Variants in IL1RAPL2 observed in about 807,000 individuals in gnomAD.
IL1RAPL2 encodes interleukin 1 receptor accessory protein like 2.
IL1RAPL2 carries 3 observed loss-of-function variants against 44.1 expected under a neutral mutation model. The ratio of observed to expected loss-of-function variants is 0.07; its 90% CI spans 0.03 to 0.18. The LOEUF is 0.18. Among genes scored for constraint, IL1RAPL2 ranks in the 10% least tolerant of loss-of-function variants. The probability of loss-of-function intolerance (pLI) is 1.00; values close to 1 mark genes in which losing one functional copy is unlikely to be tolerated. For synonymous variants in IL1RAPL2, 181 were observed against 178.8 expected (o/e 1.01, Z -0.10); for missense variants, 391 against 496.4 (o/e 0.79, Z 2.02).
At chrX:105,064,482 G>A (rs747484996) in intron 2 of IL1RAPL2, among the ~76,000 whole-genome samples, 1 of 111,766 alleles carries the variant, frequency 8.9e-6, no homozygotes, top group East Asian at 2.8e-4. Context: ...ATGTTCCTTG[G>A]GTTAGGGATG....
chrX:105,472,323 G>T (rs766862403), intron 5 of IL1RAPL2, among the ~76,000 whole-genome samples: 1 of 111,625 alleles, frequency 9.0e-6, no homozygotes, highest in East Asian at 2.8e-4. Flanking sequence ...TTCTATCAGA[G>T]AAAATGGGGC....
intron 2 of IL1RAPL2, among the ~76,000 whole-genome samples, chrX:104,921,635 T>C (rs1393815179): frequency 8.9e-6 from 1 of 112,196 alleles, no homozygotes; most frequent in Non-Finnish European, 1.9e-5. Context: ...CGTAGCCTGA[T>C]CTCTAGCAGG....
rs769280578 is a variant in IL1RAPL2 at position 105,666,174 on chromosome X, CAT to C, written c.773-51191_773-51190del. ...AACTCAAAAACTAATAAAAAACCCA[CAT>C]AGCTTTATAATCTATTGCGGGATCT... On this transcript the variant is annotated intron_variant, in intron 6 of 10. Transcript: ENST00000372582. Among the ~76,000 whole-genome samples, 9 of 109,496 alleles carry C rather than the reference CAT, an allele frequency of 8.2e-5. No homozygotes were observed. The East Asian group carries it at 2.6e-3, about 32-fold the overall frequency.
chrX:104,761,963 CTTCTTCTTCTTCTTCTTCT>C (rs1932463036), intron 2 of IL1RAPL2, among the ~76,000 whole-genome samples: 1 of 97,096 alleles, frequency 1.0e-5, no homozygotes, highest in African/African-American at 4.0e-5. Flanking sequence ...TCTTCTTCTT[CTTCTTCTTCTTCTTCTTCT>C]TCCTCCTCCT....
chrX:105,220,517 T>G, intron 3 of IL1RAPL2: 1 of 677,263 alleles, frequency 1.5e-6, no homozygotes, highest in Non-Finnish European at 2.1e-6. Flanking sequence ...GTCCCCGCCC[T>G]ACCCGCTCTG....
At chrX:104,749,755 G>T (rs913921555) in intron 2 of IL1RAPL2, among the ~76,000 whole-genome samples, 2 of 111,715 alleles carry the variant, frequency 1.8e-5, no homozygotes, top group Non-Finnish European at 3.8e-5. Flanking sequence ...GTACCAAGTA[G>T]TTCCTGCCTT....
intron 6 of IL1RAPL2, among the ~76,000 whole-genome samples, chrX:105,657,311 G>T (rs1438049689): frequency 8.9e-6 from 1 of 111,939 alleles, no homozygotes; most frequent in African/African-American, 3.3e-5. Flanking sequence ...TGTACTTTCA[G>T]CCATTTCCAT....
At chrX:105,330,640 C>T (rs1021222019) in intron 5 of IL1RAPL2, among the ~76,000 whole-genome samples, 1 of 111,644 alleles carries the variant, frequency 9.0e-6, no homozygotes, top group African/African-American at 3.2e-5. Flanking sequence ...TCTACCTATA[C>T]ATCCAAGTGT....
intron 2 of IL1RAPL2, among the ~76,000 whole-genome samples, chrX:104,758,527 T>C (rs1932376775): frequency 9.0e-6 from 1 of 111,320 alleles, no homozygotes; most frequent in Admixed American, 9.6e-5. Flanking sequence ...CCGTCAGTGT[T>C]TGGCTTGAGG....
chrX:105,569,269 T>C (rs1270170012), intron 6 of IL1RAPL2, among the ~76,000 whole-genome samples: 1 of 112,005 alleles, frequency 8.9e-6, no homozygotes, highest in Non-Finnish European at 1.9e-5. Flanking sequence ...TGGAATATTA[T>C]GAGGCCCACT....
rs773280885 is a variant in IL1RAPL2 at position 105,130,583 on chromosome X, A to G, written c.83-64892A>G. Among the ~76,000 whole-genome samples the G allele has an allele frequency of 2.0e-4, 22 of 111,211 alleles. No homozygotes were observed. The South Asian group carries it at 5.6e-3, about 28-fold the overall frequency. ...ATTACACTTGAGATAGAAGTCCTAT[A>G]CTACATGCCTTAGTGATAAAATGCG... On this transcript the variant is annotated intron_variant, in intron 2 of 10. Coordinates refer to ENST00000372582, the MANE Select transcript of IL1RAPL2 (RefSeq NM_017416.2).
intron 2 of IL1RAPL2, among the ~76,000 whole-genome samples, chrX:104,753,026 A>G (rs1476050576): frequency 2.7e-5 from 3 of 109,532 alleles, no homozygotes; most frequent in Non-Finnish European, 5.7e-5. Context: ...AGATGCTTTT[A>G]CTCTATCATT....
intron 6 of IL1RAPL2, among the ~76,000 whole-genome samples, chrX:105,659,656 CAAAAAAAATAAATAAAATA>C (rs2037705170): frequency 3.0e-5 from 3 of 98,754 alleles, no homozygotes; most frequent in African/African-American, 1.1e-4. Context: ...GACTCTGTCT[CAAAAAAAATAAATAAAATA>C]AAAAAAAATA....
intron 2 of IL1RAPL2, among the ~76,000 whole-genome samples, chrX:104,717,137 G>A (rs1931583915): frequency 9.0e-6 from 1 of 111,579 alleles, no homozygotes; most frequent in Admixed American, 9.5e-5. Flanking sequence ...GCAGCTGAAG[G>A]CCATTATCCT....
intron 6 of IL1RAPL2, among the ~76,000 whole-genome samples, chrX:105,566,102 G>A (rs1284816564): frequency 9.0e-6 from 1 of 110,986 alleles, no homozygotes; most frequent in Non-Finnish European, 1.9e-5. Context: ...AAAACAAAGT[G>A]CTTTATTTAC....
intron 6 of IL1RAPL2, among the ~76,000 whole-genome samples, chrX:105,508,412 C>T (rs913814047): frequency 9.0e-6 from 1 of 111,163 alleles, no homozygotes; most frequent in Non-Finnish European, 1.9e-5. Flanking sequence ...ATAGATTATT[C>T]AAATCACTTA....
intron 6 of IL1RAPL2, among the ~76,000 whole-genome samples, chrX:105,529,457 A>G (rs1033888609): frequency 9.0e-6 from 1 of 111,155 alleles, no homozygotes; most frequent in South Asian, 3.8e-4. Context: ...TTCCACACAT[A>G]TAAGTTGGTA....
intron 2 of IL1RAPL2, among the ~76,000 whole-genome samples, chrX:105,077,021 T>C (rs2032317055): frequency 9.0e-6 from 1 of 111,350 alleles, no homozygotes; most frequent in Non-Finnish European, 1.9e-5. Flanking sequence ...TGCCTTTTAA[T>C]TGGAGCATTT....
chrX:105,054,754 G>T (rs1248097142), intron 2 of IL1RAPL2, among the ~76,000 whole-genome samples: 1 of 112,240 alleles, frequency 8.9e-6, no homozygotes, highest in Non-Finnish European at 1.9e-5. Flanking sequence ...TTCTTGGACA[G>T]TACTGATCTA....
Sources: allele counts gnomAD v4.1 joint callset (sites outside exome capture counted in the v4.1 genomes callset), GRCh38; gene constraint gnomAD v4.1.1; transcripts MANE v1.5; gene names NCBI Gene and HGNC (gene_info 2026-07-23, HGNC 2026-07-21).